ADAMTSL1: variants seen among roughly 807,000 people sequenced by gnomAD.
ADAMTSL1 encodes ADAMTS like 1.
In ADAMTSL1, 126 loss-of-function variants were observed where a neutral mutation model predicts 201.8. That is an observed-to-expected ratio of 0.62 (90% CI 0.54 to 0.72). The LOEUF is 0.72. ADAMTSL1 is among the 30% of genes least tolerant of loss of function. The pLI, the probability that ADAMTSL1 is intolerant of heterozygous loss-of-function variation, is 0.00. For synonymous variants in ADAMTSL1, 1,121 were observed against 903.4 expected (o/e 1.24, Z -4.32); for missense variants, 2,679 against 2,277.8 (o/e 1.18, Z -3.59).
chr9:18,328,062 A>C (rs537683793), intron 2 of ADAMTSL1, among the ~76,000 whole-genome samples: 1 of 152,246 alleles, frequency 6.6e-6, no homozygotes, highest in Non-Finnish European at 1.5e-5. Context: ...GTTGTAGTAC[A>C]TCTCTCAAAG....
At chr9:18,657,203 G>A (rs1828742015) in intron 7 of ADAMTSL1, among the ~76,000 whole-genome samples, 1 of 152,098 alleles carries the variant, frequency 6.6e-6, no homozygotes, top group Non-Finnish European at 1.5e-5. Context: ...TCTTCAACTC[G>A]TCTTTTTTCT....
At chr9:18,325,815 A>G (rs949783741) in intron 2 of ADAMTSL1, among the ~76,000 whole-genome samples, 3 of 151,120 alleles carry the variant, frequency 2.0e-5, no homozygotes, top group African/African-American at 7.3e-5. Flanking sequence ...ATCTCTGCTC[A>G]CTGCAACCTC....
chr9:18,882,161 C>T (rs1294268541), intron 23 of ADAMTSL1, among the ~76,000 whole-genome samples: 3 of 152,168 alleles, frequency 2.0e-5, no homozygotes, highest in African/African-American at 7.2e-5. Flanking sequence ...TAAATACTCT[C>T]TCAGAAAATC....
intron 4 of ADAMTSL1, among the ~76,000 whole-genome samples, chr9:18,592,545 G>A (rs550396377): frequency 1.3e-5 from 2 of 152,186 alleles, no homozygotes; most frequent in East Asian, 1.9e-4. Context: ...TTCGATGGCC[G>A]ACCATTATGC....
At chr9:18,610,065 G>C (rs12348453) in intron 4 of ADAMTSL1, among the ~76,000 whole-genome samples, 1 of 151,940 alleles carries the variant, frequency 6.6e-6, no homozygotes, top group Non-Finnish European at 1.5e-5. Flanking sequence ...GATGTTCCAG[G>C]GTAAGAAGTG....
intron 15 of ADAMTSL1, among the ~76,000 whole-genome samples, chr9:18,730,035 T>G (rs1189163909): frequency 6.6e-6 from 1 of 152,206 alleles, no homozygotes; most frequent in African/African-American, 2.4e-5. Flanking sequence ...ATAAATCTTT[T>G]TTTTTTCTAA....
At chr9:18,673,810 T>C (rs1327955546) in intron 9 of ADAMTSL1, among the ~76,000 whole-genome samples, 1 of 152,202 alleles carries the variant, frequency 6.6e-6, no homozygotes, top group Non-Finnish European at 1.5e-5. Flanking sequence ...ATGTAAAATA[T>C]AATTTCAAAG....
intron 1 of ADAMTSL1, among the ~76,000 whole-genome samples, chr9:18,145,823 T>A (rs1826614833): frequency 6.6e-6 from 1 of 152,142 alleles, no homozygotes; most frequent in African/African-American, 2.4e-5. Flanking sequence ...GCCCATAGAA[T>A]GGGAGAAAAT....
chr9:18,830,202 A>G (rs898934356), intron 23 of ADAMTSL1, among the ~76,000 whole-genome samples: 1 of 152,142 alleles, frequency 6.6e-6, no homozygotes, highest in Admixed American at 6.5e-5. Flanking sequence ...AGATTCCAAT[A>G]TGGCTCCTTT....
chr9:18,740,966 A>G (rs1818793471), intron 15 of ADAMTSL1, among the ~76,000 whole-genome samples: 1 of 152,122 alleles, frequency 6.6e-6, no homozygotes, highest in South Asian at 2.1e-4. Context: ...CATTGATGAT[A>G]CTACCTCATT....
intron 4 of ADAMTSL1, among the ~76,000 whole-genome samples, chr9:18,578,976 C>T (rs1398229042): frequency 1.3e-5 from 2 of 151,408 alleles, no homozygotes; most frequent in African/African-American, 4.9e-5. Context: ...TCTCTGATGG[C>T]CAGTGATGAT....
At chr9:18,749,812 C>T (rs529581432) in intron 15 of ADAMTSL1, among the ~76,000 whole-genome samples, 21 of 152,364 alleles carry the variant, frequency 1.4e-4, no homozygotes, top group African/African-American at 5.0e-4. Flanking sequence ...CTTCTGCTGA[C>T]CTCCGTCCTT....
intron 2 of ADAMTSL1, among the ~76,000 whole-genome samples, chr9:18,530,594 G>C (rs958370066): frequency 1.3e-5 from 2 of 152,082 alleles, no homozygotes; most frequent in Admixed American, 6.5e-5. Flanking sequence ...ATCTTCTTGT[G>C]CCTCTATGCC....
At chr9:18,178,686 G>A (rs914972321) in intron 2 of ADAMTSL1, among the ~76,000 whole-genome samples, 39 of 151,388 alleles carry the variant, frequency 2.6e-4, no homozygotes, top group African/African-American at 4.6e-4. Flanking sequence ...ATCTGAGAAC[G>A]GGCAGACTGC....
Position 18,703,439 on chromosome 9 carries a change from A to C in ADAMTSL1, c.1575-3308A>C, listed in dbSNP as rs574751359. On this transcript the variant is annotated intron_variant, in intron 13 of 28. Coordinates refer to ENST00000380548, the MANE Select transcript of ADAMTSL1 (RefSeq NM_001040272.6). Reference sequence around the variant, plus strand: ...CATAATCTCCTGCCTTCAACAAAAGAGACTATATTATATTATACACTGTAT... The same window carrying C: ...CATAATCTCCTGCCTTCAACAAAAGCGACTATATTATATTATACACTGTAT... Among the ~76,000 whole-genome samples, 31 of 152,178 alleles carry C rather than the reference A, an allele frequency of 2.0e-4. 1 individual carries two copies. In the South Asian group the frequency reaches 6.2e-3, roughly 31 times the overall value.
chr9:18,180,900 A>T (rs1828440266), intron 2 of ADAMTSL1, among the ~76,000 whole-genome samples: 1 of 152,236 alleles, frequency 6.6e-6, no homozygotes, highest in African/African-American at 2.4e-5. Context: ...ACAAGGCTAC[A>T]GTAACCAAAA....
intron 23 of ADAMTSL1, among the ~76,000 whole-genome samples, chr9:18,872,897 G>C (rs910281073): frequency 2.6e-5 from 4 of 152,128 alleles, no homozygotes; most frequent in Non-Finnish European, 5.9e-5. Flanking sequence ...TCTATTTTCA[G>C]TTCTTTAAAG....
chr9:18,771,863 T>C (rs1200231155), intron 17 of ADAMTSL1, among the ~76,000 whole-genome samples: 2 of 152,152 alleles, frequency 1.3e-5, no homozygotes, highest in Non-Finnish European at 2.9e-5. Flanking sequence ...CTTAGAATTC[T>C]TGCCCATATC....
intron 2 of ADAMTSL1, among the ~76,000 whole-genome samples, chr9:18,336,895 T>A (rs541204883): frequency 6.6e-6 from 1 of 152,282 alleles, no homozygotes; most frequent in Non-Finnish European, 1.5e-5. Context: ...ATAATAAATA[T>A]CATGACTATG....
Sources: allele counts gnomAD v4.1 joint callset (sites outside exome capture counted in the v4.1 genomes callset), GRCh38; gene constraint gnomAD v4.1.1; transcripts MANE v1.5; gene names NCBI Gene and HGNC (gene_info 2026-07-23, HGNC 2026-07-21).